The following RORA variants were observed in gnomAD, a reference collection of about 807,000 sequenced individuals.
RORA encodes nuclear receptor ROR-alpha.
Under a neutral mutation model 69.5 loss-of-function variants are expected in RORA, and 7 were observed. That is an observed-to-expected ratio of 0.10 (90% CI 0.06 to 0.19). RORA has a LOEUF of 0.19. Ranked by LOEUF, RORA falls within the 10% of genes least tolerant of loss-of-function variation. The pLI is 1.00. For synonymous variants in RORA, 261 were observed against 240.8 expected (o/e 1.08, Z -0.78); for missense variants, 457 against 663.0 (o/e 0.69, Z 3.41).
chr15:60,866,505 G>C (rs761628593), intron 1 of RORA, among the ~76,000 whole-genome samples: 1 of 152,112 alleles, frequency 6.6e-6, no homozygotes, highest in African/African-American at 2.4e-5. Flanking sequence ...TTACACCTGC[G>C]TTTATATTAA....
chr15:60,611,251 G>A (rs1362697354), intron 2 of RORA, among the ~76,000 whole-genome samples: 1 of 151,880 alleles, frequency 6.6e-6, no homozygotes, highest in Non-Finnish European at 1.5e-5. Flanking sequence ...GATCTCCAAG[G>A]GAATCTCCAT....
At chr15:60,903,795 T>A (rs941525993) in intron 1 of RORA, among the ~76,000 whole-genome samples, 1 of 152,216 alleles carries the variant, frequency 6.6e-6, no homozygotes, top group Non-Finnish European at 1.5e-5. Context: ...CAAGTTCACA[T>A]AGTGATTTAA....
chr15:61,098,683 C>T (rs957387419), intron 1 of RORA, among the ~76,000 whole-genome samples: 5 of 152,146 alleles, frequency 3.3e-5, no homozygotes, highest in Admixed American at 6.5e-5. Flanking sequence ...TTCCATGTAT[C>T]GACAAGGGAA....
intron 1 of RORA, among the ~76,000 whole-genome samples, chr15:60,826,789 C>CTCTCT (rs1226200219): frequency 4.0e-5 from 4 of 99,282 alleles, no homozygotes; most frequent in African/African-American, 1.4e-4. Flanking sequence ...CTCTCTCTCT[C>CTCTCT]TTTTTTTTTT....
At chr15:60,519,178 C>G (rs912767334) in intron 3 of RORA, among the ~76,000 whole-genome samples, 6 of 152,190 alleles carry the variant, frequency 3.9e-5, no homozygotes, top group Non-Finnish European at 7.3e-5. Context: ...GTGTAACAAA[C>G]TTCTTCCTTC....
chr15:60,850,599 A>G (rs2073313692), intron 1 of RORA, among the ~76,000 whole-genome samples: 1 of 152,160 alleles, frequency 6.6e-6, no homozygotes, highest in Admixed American at 6.5e-5. Flanking sequence ...GTAAGTGCCC[A>G]ATTCATGTGC....
intron 1 of RORA, among the ~76,000 whole-genome samples, chr15:61,194,317 T>C (rs2079827710): frequency 6.6e-6 from 1 of 152,006 alleles, no homozygotes; most frequent in South Asian, 2.1e-4. Flanking sequence ...CCCAGCACTT[T>C]GGGAGGCAGA....
chr15:60,607,065 G>A (rs763650027), intron 2 of RORA, among the ~76,000 whole-genome samples: 8 of 152,148 alleles, frequency 5.3e-5, no homozygotes, highest in Non-Finnish European at 8.8e-5. Context: ...GCACAACAGA[G>A]ACTTGTGCTC....
intron 1 of RORA, among the ~76,000 whole-genome samples, chr15:61,015,241 A>G (rs1055541158): frequency 1.3e-5 from 2 of 152,216 alleles, no homozygotes; most frequent in Non-Finnish European, 2.9e-5. Flanking sequence ...CCCTGGCGGC[A>G]GATTCTATTT....
intron 1 of RORA, among the ~76,000 whole-genome samples, chr15:60,763,024 C>T (rs1365165471): frequency 2.2e-5 from 3 of 133,778 alleles, no homozygotes; most frequent in Non-Finnish European, 1.5e-5. Flanking sequence ...GGGAAAAAGG[C>T]ATTTAATTAC....
At chr15:60,888,477 C>T (rs544514787) in intron 1 of RORA, among the ~76,000 whole-genome samples, 13 of 152,180 alleles carry the variant, frequency 8.5e-5, no homozygotes, top group South Asian at 2.1e-4. Flanking sequence ...CACACACACA[C>T]GCACATATAC....
chr15:61,051,895 T>G (rs2078019850), intron 1 of RORA, among the ~76,000 whole-genome samples: 1 of 152,184 alleles, frequency 6.6e-6, no homozygotes, highest in Non-Finnish European at 1.5e-5. Flanking sequence ...CAACAGACAC[T>G]TCCCCTCCTC....
At chr15:60,519,473 G>A (rs753914685) in intron 3 of RORA, among the ~76,000 whole-genome samples, 4 of 152,168 alleles carry the variant, frequency 2.6e-5, no homozygotes, top group Non-Finnish European at 4.4e-5. Context: ...AACTTACACT[G>A]TCATCTTGTT....
intron 1 of RORA, among the ~76,000 whole-genome samples, chr15:60,749,712 T>C (rs905662723): frequency 7.9e-5 from 12 of 152,102 alleles, no homozygotes; most frequent in Admixed American, 2.0e-4. Context: ...TAAATCTAAA[T>C]AACAAAAACA....
intron 1 of RORA, among the ~76,000 whole-genome samples, chr15:60,730,085 G>A (rs903753409): frequency 3.9e-5 from 6 of 152,142 alleles, no homozygotes; most frequent in Middle Eastern, 3.2e-3. Context: ...TGGGGAAGGA[G>A]TTTTCAAAAG....
chr15:60,922,792 T>C (rs1892092883), intron 1 of RORA, among the ~76,000 whole-genome samples: 1 of 152,238 alleles, frequency 6.6e-6, no homozygotes, highest in Non-Finnish European at 1.5e-5. Context: ...TGTAACACTC[T>C]TCTGAATTCT....
intron 1 of RORA, among the ~76,000 whole-genome samples, chr15:60,766,247 G>A (rs903743581): frequency 2.6e-5 from 4 of 152,070 alleles, no homozygotes; most frequent in African/African-American, 9.7e-5. Flanking sequence ...GCCTGTGTCT[G>A]TATCATTCAC....
intron 2 of RORA, among the ~76,000 whole-genome samples, chr15:60,532,088 C>G (rs1432818530): frequency 6.6e-6 from 1 of 152,128 alleles, no homozygotes; most frequent in African/African-American, 2.4e-5. Context: ...GTTTAAGAAC[C>G]CACAAGAAGA....
At chr15:60,613,934 G>T (rs1219616208) in intron 2 of RORA, among the ~76,000 whole-genome samples, 1 of 146,982 alleles carries the variant, frequency 6.8e-6, no homozygotes, top group African/African-American at 2.6e-5. Flanking sequence ...ATCTCATATG[G>T]GGAAATTATG....
Sources: gnomAD v4.1 joint callset for allele counts (sites outside exome capture counted in the v4.1 genomes callset) on GRCh38, gnomAD v4.1.1 for gene constraint, MANE v1.5 for transcripts, NCBI Gene and HGNC (gene_info 2026-07-23, HGNC 2026-07-21) for gene names.